Variants in SNX29 observed in about 807,000 individuals in gnomAD.
SNX29 encodes sorting nexin 29.
In SNX29, 78 loss-of-function variants were observed where a neutral mutation model predicts 102.1. That is an observed-to-expected ratio of 0.76 (90% CI 0.64 to 0.92). SNX29 has a LOEUF of 0.92. Among genes scored for constraint, SNX29 ranks in the 40% least tolerant of loss-of-function variants. SNX29 has a pLI of 0.00. For synonymous variants in SNX29, 580 were observed against 414.5 expected, an observed-to-expected ratio of 1.40 and a Z score of -4.85; for missense variants, 1,280 against 1,061.7, an observed-to-expected ratio of 1.21 and a Z score of -2.86.
chr16:12,548,832 G>C (rs984784381), intron 20 of SNX29, among the ~76,000 whole-genome samples: 4 of 152,204 alleles, frequency 2.6e-5, no homozygotes, highest in Admixed American at 6.5e-5. Context: ...GCCCAGCCCT[G>C]TCTAGCTCTC....
At chr16:12,243,424 T>C (rs1567350382) in intron 14 of SNX29, among the ~76,000 whole-genome samples, 1 of 152,322 alleles carries the variant, frequency 6.6e-6, no homozygotes, top group East Asian at 1.9e-4. Context: ...GTATTTGATG[T>C]CTCTATGATG....
rs1434883337 is a variant in SNX29, at chr16:12,314,879, T to C, written c.1782+36843T>C. On this transcript the variant is annotated intron_variant, in intron 15 of 20. Coordinates refer to ENST00000566228, the MANE Select transcript of SNX29 (RefSeq NM_032167.5). ...CTAAAACATGACACACACGATGTTA[T>C]TCTGTCTCCTACCGGGAGGCCTGTG... Among the ~76,000 whole-genome samples the C allele has an allele frequency of 2.0e-5, 3 of 152,354 alleles. No homozygotes were observed. The East Asian group carries it at 5.8e-4, about 29-fold the overall frequency.
At chr16:12,043,837 T>G (rs967539438) in intron 5 of SNX29, among the ~76,000 whole-genome samples, 1 of 152,130 alleles carries the variant, frequency 6.6e-6, no homozygotes, top group Admixed American at 6.6e-5. Context: ...CACTGCAACC[T>G]CCGTCTCCTA....
At chr16:12,376,134 T>G (rs888265617) in intron 16 of SNX29, 2 of 149,384 alleles carry the variant, frequency 1.3e-5, no homozygotes, top group African/African-American at 4.9e-5. Flanking sequence ...CAAGCCACAC[T>G]CAGGGGATTA....
chr16:11,998,122 T>C (rs2056156305), intron 1 of SNX29, among the ~76,000 whole-genome samples: 1 of 152,216 alleles, frequency 6.6e-6, no homozygotes, highest in Non-Finnish European at 1.5e-5. Flanking sequence ...GATAATGCCC[T>C]GCTGCTACTC....
intron 15 of SNX29, among the ~76,000 whole-genome samples, chr16:12,289,636 C>T (rs1208204264): frequency 1.3e-5 from 2 of 152,174 alleles, no homozygotes; most frequent in Non-Finnish European, 2.9e-5. Flanking sequence ...TGCGAACGAA[C>T]AGATGAACTT....
intron 13 of SNX29, among the ~76,000 whole-genome samples, chr16:12,152,672 C>T (rs573836232): frequency 6.6e-6 from 1 of 152,312 alleles, no homozygotes; most frequent in East Asian, 1.9e-4. Context: ...CTTTGCTGAC[C>T]AGTCAGGCTG....
Position 12,480,721 on chromosome 16 carries a change from C to G in SNX29, c.2178+2862C>G, listed in dbSNP as rs550515356. On this transcript the variant is annotated intron_variant, in intron 19 of 20. Transcript: ENST00000566228. ...ACACAAAACTTAAGACAAAATAAAT[C>G]TCATCAGTCCTGAAAACACTGGATT... Among the ~76,000 whole-genome samples the G allele has an allele frequency of 2.0e-5, 3 of 152,312 alleles. No homozygotes were observed. In the South Asian group the frequency reaches 6.2e-4, roughly 32 times the overall value.
intron 15 of SNX29, among the ~76,000 whole-genome samples, chr16:12,308,152 T>C (rs1475997461): frequency 6.6e-6 from 1 of 152,168 alleles, no homozygotes; most frequent in Non-Finnish European, 1.5e-5. Context: ...TCTGAGGGTT[T>C]TTCCCCAACC....
intron 18 of SNX29, among the ~76,000 whole-genome samples, chr16:12,409,494 T>A (rs2084309340): frequency 7.2e-6 from 1 of 139,086 alleles, no homozygotes; most frequent in South Asian, 2.6e-4. Flanking sequence ...AGTGGCGCAA[T>A]CTTGGTTCAC....
intron 18 of SNX29, among the ~76,000 whole-genome samples, chr16:12,435,626 G>A (rs1008606696): frequency 2.6e-5 from 4 of 152,202 alleles, no homozygotes; most frequent in Non-Finnish European, 5.9e-5. Flanking sequence ...GTTTAGATAT[G>A]TATTTCCTCC....
intron 6 of SNX29, among the ~76,000 whole-genome samples, chr16:12,047,649 GTCTTTTTTT>G (rs1352734620): frequency 7.7e-6 from 1 of 130,452 alleles, no homozygotes; most frequent in African/African-American, 2.8e-5. Flanking sequence ...CTGGACCAAG[GTCTTTTTTT>G]TTTTTTTTTT....
chr16:12,545,124 C>G (rs943356713), intron 20 of SNX29, among the ~76,000 whole-genome samples: 4 of 152,176 alleles, frequency 2.6e-5, no homozygotes, highest in African/African-American at 9.7e-5. Flanking sequence ...CTGTGAGGCC[C>G]CACTTACCTA....
chr16:12,567,116 T>G (rs2079043839), intron 20 of SNX29, among the ~76,000 whole-genome samples: 1 of 152,074 alleles, frequency 6.6e-6, no homozygotes, highest in Non-Finnish European at 1.5e-5. Flanking sequence ...AATGCAAGTC[T>G]CTTAACTCAC....
intron 13 of SNX29, among the ~76,000 whole-genome samples, chr16:12,161,810 C>T (rs2055796614): frequency 6.6e-6 from 1 of 151,762 alleles, no homozygotes; most frequent in African/African-American, 2.4e-5. Flanking sequence ...GTTCCCTATG[C>T]CTTCTGCCAT....
chr16:12,535,526 C>G (rs969765450), intron 20 of SNX29, among the ~76,000 whole-genome samples: 3 of 152,126 alleles, frequency 2.0e-5, no homozygotes, highest in East Asian at 1.9e-4. Flanking sequence ...GTGAAGTGGC[C>G]AAGCCATAGT....
chr16:12,028,512 C>T (rs1021575040), intron 4 of SNX29, among the ~76,000 whole-genome samples: 9 of 151,924 alleles, frequency 5.9e-5, no homozygotes, highest in Non-Finnish European at 1.2e-4. Flanking sequence ...TGCAGGCTTG[C>T]ACCACCATGC....
Position 12,573,062 on chromosome 16 carries a change from T to C in SNX29, c.*4433T>C, listed in dbSNP as rs2079221283. 2 of 232,524 alleles carry C rather than the reference T, an allele frequency of 8.6e-6. No individual in the cohort carries two copies. The highest frequency in any genetic ancestry group is 2.2e-5 in the African/African-American group (1 of 45,176). 14.4% of individuals were successfully genotyped at this position (232,524 alleles called of 1,614,324 possible). ...CTAATTCTGCAGTTGTAGCACTGTATATTTTATCTCATTTCTGTGCCAAGA... is the reference window on the plus strand; with the variant it reads ...CTAATTCTGCAGTTGTAGCACTGTACATTTTATCTCATTTCTGTGCCAAGA... On this transcript the variant is annotated 3_prime_UTR_variant, in exon 21 of 21. Coordinates refer to ENST00000566228, the MANE Select transcript of SNX29 (RefSeq NM_032167.5).
At chr16:12,284,111 T>G (rs1159873940) in intron 15 of SNX29, among the ~76,000 whole-genome samples, 1 of 152,256 alleles carries the variant, frequency 6.6e-6, no homozygotes, top group Non-Finnish European at 1.5e-5. Flanking sequence ...GTTCTATTCT[T>G]TTTCAGCAGT....
Sources: gnomAD v4.1 joint callset for allele counts (sites outside exome capture counted in the v4.1 genomes callset) on GRCh38, gnomAD v4.1.1 for gene constraint, MANE v1.5 for transcripts, NCBI Gene and HGNC (gene_info 2026-07-23, HGNC 2026-07-21) for gene names.